The following GPR107 variants were observed in gnomAD, a reference collection of about 807,000 sequenced individuals.
GPR107 encodes the protein G protein-coupled receptor 107, also known as protein GPR107.
In GPR107, 31 loss-of-function variants were observed where a neutral mutation model predicts 75.5. The ratio of observed to expected loss-of-function variants is 0.41; its 90% CI spans 0.31 to 0.55. GPR107 has a LOEUF of 0.55. Ranked by LOEUF, GPR107 falls within the 20% of genes least tolerant of loss-of-function variation. GPR107 has a pLI of 0.26. For missense variants in GPR107, 572 were observed against 665.7 expected (o/e 0.86, Z 1.55); for synonymous variants, 267 against 251.3 (o/e 1.06, Z -0.59).
chr9:130,120,651 C>T (rs1268396729), intron 14 of GPR107, among the ~76,000 whole-genome samples: 1 of 152,216 alleles, frequency 6.6e-6, no homozygotes, highest in Non-Finnish European at 1.5e-5. Flanking sequence ...CGCTCTGCAT[C>T]GATGGACATC....
At position 130,086,410 on chromosome 9, in the gene GPR107, G is replaced by A; in HGVS notation, c.565-10G>A. The A allele has an allele frequency of 7.3e-7, 1 of 1,372,542 alleles. No homozygotes were observed. The highest frequency in any genetic ancestry group is 1.4e-5 in the African/African-American group (1 of 70,252). The allele number at this position is 1,372,542 out of a possible 1,614,324, so 85.0% of individuals were successfully genotyped here. On this transcript the variant is annotated splice_polypyrimidine_tract_variant and intron_variant, in intron 6 of 17. Coordinates refer to ENST00000347136, the MANE Select transcript of GPR107 (RefSeq NM_020960.5). ...GTGTCATCCTAAAACATACTATTAT[G>A]TCTTTTTAGGCCATGGGAGAGAAAT...
intron 14 of GPR107, chr9:130,110,385 C>G (rs1831265828): frequency 6.5e-7 from 1 of 1,538,188 alleles, no homozygotes. Context: ...AGCATGGGAC[C>G]TCTTCAGCAG....
intron 1 of GPR107, among the ~76,000 whole-genome samples, chr9:130,070,712 TTTTTTTTC>T (rs1387942508): frequency 1.3e-5 from 2 of 152,038 alleles, no homozygotes; most frequent in African/African-American, 2.4e-5. Context: ...GGGTAACAAT[TTTTTTTTC>T]TTTTTTTCTT....
At chr9:130,125,543 A>G (rs1373878872) in intron 15 of GPR107, among the ~76,000 whole-genome samples, 5 of 147,492 alleles carry the variant, frequency 3.4e-5, no homozygotes, top group African/African-American at 1.3e-4. Context: ...CCTGGCTTTC[A>G]TTTTATAAAA....
chr9:130,094,352 G>A (rs59059622), intron 9 of GPR107, among the ~76,000 whole-genome samples: 1 of 152,128 alleles, frequency 6.6e-6, no homozygotes, highest in Non-Finnish European at 1.5e-5. Context: ...GCTGAAGCAG[G>A]AGAATGGCGT....
intron 1 of GPR107, among the ~76,000 whole-genome samples, 193 bp from the exon 2 acceptor site, chr9:130,075,443 G>A (rs570641294): frequency 8.6e-5 from 13 of 151,814 alleles, no homozygotes; most frequent in East Asian, 3.9e-4. Flanking sequence ...ACAGGGTTTC[G>A]CCATGTTGGC....
chr9:130,125,451 T>TA (rs2132650012), intron 15 of GPR107, among the ~76,000 whole-genome samples: 2 of 150,492 alleles, frequency 1.3e-5, no homozygotes, highest in East Asian at 3.9e-4. Flanking sequence ...TAAGATGGAC[T>TA]CCAACTCCTG....
chr9:130,096,410 TC>T (rs1299474787), intron 9 of GPR107, among the ~76,000 whole-genome samples: 1 of 150,688 alleles, frequency 6.6e-6, no homozygotes, highest in Admixed American at 6.6e-5. Context: ...CTGTCCCCTC[TC>T]CCACTCCTTC....
intron 14 of GPR107, among the ~76,000 whole-genome samples, chr9:130,118,539 C>G (rs958970429): frequency 1.3e-5 from 2 of 152,118 alleles, no homozygotes; most frequent in Non-Finnish European, 2.9e-5. Context: ...GAAGGACTTA[C>G]CAGAATCGAG....
Position 130,090,909 on chromosome 9 carries a change from G to C in GPR107, c.655G>C (p.Gly219Arg). The C allele has an allele frequency of 6.5e-7, 1 of 1,529,216 alleles. No individual in the cohort carries two copies. The highest frequency in any genetic ancestry group is 9.1e-7 in the Non-Finnish European group (1 of 1,103,756). 94.7% of individuals were successfully genotyped at this position (1,529,216 alleles called of 1,614,324 possible). ...TAACATCAGCACTGATGACCAAGAA[G>C]GCCTTTACAGTCTTTATTTTCATAA... is the stretch of plus-strand genomic sequence containing the variant. Reference protein sequence around the residue: ...FFNISTDDQEGLYSLYFHKCL... With the variant: ...FFNISTDDQERLYSLYFHKCL... The change falls in exon 8 of 18, where the codon GGC (glycine) becomes CGC (arginine). Residue 219 changes from glycine to arginine, a missense_variant. Physicochemically the swap from Gly to Arg is moderately radical, Grantham distance 125 (BLOSUM62 -2). Transcript: ENST00000347136.
intron 3 of GPR107, among the ~76,000 whole-genome samples, chr9:130,076,929 C>T (rs535799246): frequency 9.3e-5 from 14 of 150,796 alleles, no homozygotes; most frequent in South Asian, 8.4e-4. Flanking sequence ...CTCTTGTTGC[C>T]GAGGCTGGAG....
At chr9:130,134,858 G>A (rs1554899691) in intron 17 of GPR107, among the ~76,000 whole-genome samples, 167 bp from the exon 18 acceptor site, 1 of 152,224 alleles carries the variant, frequency 6.6e-6, no homozygotes, top group Non-Finnish European at 1.5e-5. Flanking sequence ...AAGTGACTTG[G>A]CCAAGGTTAC....
At chr9:130,076,546 A>C in intron 3 of GPR107, 84 bp downstream of exon 3, 1 of 883,354 alleles carries the variant, frequency 1.1e-6, no homozygotes, top group Non-Finnish European at 1.9e-6. Context: ...TTGCAGTTCC[A>C]TTTTCATTTT....
intron 1 of GPR107, 79 bp downstream of exon 1, chr9:130,054,152 G>A: frequency 1.5e-6 from 2 of 1,333,868 alleles, no homozygotes; most frequent in African/African-American, 1.5e-5. Flanking sequence ...GGCCCATTGG[G>A]GACCTCTGAG....
chr9:130,058,905 C>T (rs1037991932), intron 1 of GPR107, among the ~76,000 whole-genome samples: 4 of 152,056 alleles, frequency 2.6e-5, no homozygotes, highest in African/African-American at 9.7e-5. Flanking sequence ...CTTAGCAGTT[C>T]ACCAGTCGAT....
At position 130,139,987 on chromosome 9, in the gene GPR107, G is replaced by A. The variant is rs1239655203; in HGVS notation, c.*4866G>A. On this transcript the variant is annotated 3_prime_UTR_variant, in exon 18 of 18. Transcript: ENST00000347136. Reference sequence around the variant, plus strand: ...TCTGTAAATAGCATTTGCTTTCCTGGTTAGAGATTGGGATGCAGAAGGAGT... The same window carrying A: ...TCTGTAAATAGCATTTGCTTTCCTGATTAGAGATTGGGATGCAGAAGGAGT... The A allele has an allele frequency of 2.6e-5, 4 of 152,152 alleles. No homozygotes were observed. Among genetic ancestry groups the A allele is most frequent in the African/African-American group, 7.2e-5 (3 of 41,426 alleles). The allele number at this position is 152,152 out of a possible 1,614,324, so 9.4% of individuals were successfully genotyped here.
chr9:130,086,903 C>T (rs752236982), intron 7 of GPR107, among the ~76,000 whole-genome samples: 2 of 152,062 alleles, frequency 1.3e-5, no homozygotes, highest in African/African-American at 4.8e-5. Context: ...TTTGAGTGAC[C>T]TGCTTAGCTG....
intron 17 of GPR107, among the ~76,000 whole-genome samples, chr9:130,132,132 G>A (rs1180835639): frequency 1.3e-5 from 2 of 151,432 alleles, no homozygotes; most frequent in Non-Finnish European, 2.9e-5. Flanking sequence ...CAGTCCTCCC[G>A]CCTCAGCCGC....
chr9:130,061,673 G>A (rs569592735), intron 1 of GPR107, among the ~76,000 whole-genome samples: 1 of 152,336 alleles, frequency 6.6e-6, no homozygotes, highest in Middle Eastern at 3.4e-3. Flanking sequence ...GCCGGGCGTG[G>A]TGGCTCACGC....
Sources: gnomAD v4.1 joint callset for allele counts (sites outside exome capture counted in the v4.1 genomes callset) on GRCh38, gnomAD v4.1.1 for gene constraint, MANE v1.5 for transcripts, NCBI Gene and HGNC (gene_info 2026-07-23, HGNC 2026-07-21) for gene names.